PDE10A: variants seen among roughly 807,000 people sequenced by gnomAD.
The protein encoded by PDE10A is phosphodiesterase 10A, also known as cAMP and cAMP-inhibited cGMP 3',5'-cyclic phosphodiesterase 10A.
In PDE10A, 39 loss-of-function variants were observed where a neutral mutation model predicts 97.7. That is an observed-to-expected ratio of 0.40 (90% CI 0.31 to 0.52). The LOEUF (loss-of-function observed/expected upper bound fraction) is 0.52, where lower values mean the gene tolerates loss of function less well. Ranked by LOEUF, PDE10A falls within the 20% of genes least tolerant of loss-of-function variation. The pLI is 0.56. For synonymous variants in PDE10A, 371 were observed against 376.8 expected (o/e 0.98, Z 0.18); for missense variants, 731 against 1,047.8 (o/e 0.70, Z 4.17).
At chr6:165,874,595 T>TA (rs149712036) in intron 1 of PDE10A, among the ~76,000 whole-genome samples, 3,788 of 152,336 alleles carry the variant, frequency 0.025, 69 homozygotes, top group South Asian at 0.11. Context: ...GTTACACAAA[T>TA]AATGGTGCTT....
chr6:165,857,502 T>C (rs1006828263), intron 1 of PDE10A, among the ~76,000 whole-genome samples: 3 of 152,236 alleles, frequency 2.0e-5, no homozygotes, highest in Non-Finnish European at 2.9e-5. Flanking sequence ...CTGCAAACCC[T>C]ACACTAGTAA....
intron 10 of PDE10A, among the ~76,000 whole-genome samples, chr6:165,425,769 T>TTGTGTGTGTGTGTGTG (rs766723327): frequency 1.8e-3 from 100 of 56,736 alleles, no homozygotes; most frequent in African/African-American, 7.1e-3. Context: ...GAAGGCATGA[T>TTGTGTGTGTGTGTGTG]CGTGTGTGTG....
rs965787491 is a variant in PDE10A at position 165,534,150 on chromosome 6, C to T, written c.994+9290G>A. On this transcript the variant is annotated intron_variant, in intron 2 of 21. Coordinates refer to ENST00000539869, the MANE Select transcript of PDE10A (RefSeq NM_001385079.1). Reference sequence around the variant, plus strand: ...CAGAAATTTAAAGGATCATTAGAGACTGCTATGAACAAAGATACACCAATA... The same window carrying T: ...CAGAAATTTAAAGGATCATTAGAGATTGCTATGAACAAAGATACACCAATA... 2.8e-4 allele frequency among the ~76,000 whole-genome samples: 43 copies of T among 151,976 alleles called. 1 individual carries two copies. Among genetic ancestry groups the T allele is most frequent in the African/African-American group, 9.6e-4 (40 of 41,498 alleles).
At chr6:165,363,344 G>GT (rs199895439) in intron 18 of PDE10A, among the ~76,000 whole-genome samples, 7,460 of 151,792 alleles carry the variant, frequency 0.049, 271 homozygotes, top group Non-Finnish European at 0.072. Context: ...GTGAAACCCC[G>GT]TCTCTACTAA....
intron 3 of PDE10A, among the ~76,000 whole-genome samples, chr6:165,453,805 C>G (rs1291862479): frequency 2.6e-5 from 4 of 152,220 alleles, no homozygotes; most frequent in Non-Finnish European, 5.9e-5. Context: ...CCCGCACAGA[C>G]AGCCCCCAGT....
At chr6:165,685,733 G>A (rs1791096663) in intron 1 of PDE10A, among the ~76,000 whole-genome samples, 1 of 152,148 alleles carries the variant, frequency 6.6e-6, no homozygotes. Context: ...GGTGAGCCCA[G>A]CCAGATGCTG....
chr6:165,901,778 C>G (rs1170624091), intron 1 of PDE10A, among the ~76,000 whole-genome samples: 5 of 151,352 alleles, frequency 3.3e-5, no homozygotes, highest in African/African-American at 1.2e-4. Flanking sequence ...CTGGTCTGGG[C>G]AACAAGAGTG....
intron 1 of PDE10A, among the ~76,000 whole-genome samples, chr6:165,783,466 TAC>T (rs1327010486): frequency 6.6e-6 from 1 of 152,204 alleles, no homozygotes; most frequent in Non-Finnish European, 1.5e-5. Context: ...CAGAAATGAG[TAC>T]ACTTAAAAAG....
At chr6:165,567,763 T>C (rs911254806) in intron 1 of PDE10A, among the ~76,000 whole-genome samples, 3 of 152,138 alleles carry the variant, frequency 2.0e-5, no homozygotes, top group Admixed American at 6.6e-5. Flanking sequence ...TAATCCAAGG[T>C]CACATGTCTA....
At chr6:165,439,657 A>G (rs1053105284) in intron 5 of PDE10A, among the ~76,000 whole-genome samples, 5 of 152,244 alleles carry the variant, frequency 3.3e-5, no homozygotes, top group Non-Finnish European at 7.3e-5. Flanking sequence ...GAAGTAGCTA[A>G]TATTTTTGTG....
At chr6:165,709,685 A>C (rs914713111) in intron 1 of PDE10A, among the ~76,000 whole-genome samples, 44 of 14,828 alleles carry the variant, frequency 3.0e-3, no homozygotes, top group South Asian at 6.5e-3. Context: ...CCCCGCCTCC[A>C]CTCTCCACCC....
At chr6:165,898,129 C>A (rs74700353) in intron 1 of PDE10A, among the ~76,000 whole-genome samples, 7,801 of 151,784 alleles carry the variant, frequency 0.051, 283 homozygotes, top group Middle Eastern at 0.13. Context: ...TTGCCATCTG[C>A]CAGAAATGGG....
intron 1 of PDE10A, among the ~76,000 whole-genome samples, chr6:165,734,635 G>C (rs1454408588): frequency 6.6e-6 from 1 of 151,968 alleles, no homozygotes; most frequent in African/African-American, 2.4e-5. Flanking sequence ...TAATGAGAGA[G>C]AGTTAGTGAA....
chr6:165,496,082 G>C (rs1198820513), intron 2 of PDE10A, among the ~76,000 whole-genome samples: 1 of 151,954 alleles, frequency 6.6e-6, no homozygotes, highest in Non-Finnish European at 1.5e-5. Flanking sequence ...CAGTCTCCTG[G>C]AGAAGGTAAG....
At chr6:165,965,644 T>C (rs1193938789) in intron 1 of PDE10A, among the ~76,000 whole-genome samples, 1 of 152,200 alleles carries the variant, frequency 6.6e-6, no homozygotes, top group Non-Finnish European at 1.5e-5. Context: ...TCGGGAAATA[T>C]AAAATTCAAT....
chr6:165,534,648 T>C lies in PDE10A; in HGVS notation c.994+8792A>G, dbSNP rs558105223. ...AACATGTAAAGATGGTTTCAACATATGCAAATCAATAAATATGATATATCA... is the reference window on the plus strand; with the variant it reads ...AACATGTAAAGATGGTTTCAACATACGCAAATCAATAAATATGATATATCA... On this transcript the variant is annotated intron_variant, in intron 2 of 21. Coordinates refer to ENST00000539869, the MANE Select transcript of PDE10A (RefSeq NM_001385079.1). 4.6e-5 allele frequency among the ~76,000 whole-genome samples: 7 copies of C among 152,194 alleles called. No individual in the cohort carries two copies. The East Asian group carries it at 9.6e-4, about 21-fold the overall frequency.
intron 5 of PDE10A, among the ~76,000 whole-genome samples, chr6:165,438,833 C>T (rs1446599098): frequency 6.6e-6 from 1 of 151,838 alleles, no homozygotes; most frequent in Non-Finnish European, 1.5e-5. Flanking sequence ...TGGTGCATGC[C>T]TGTAGCACTA....
chr6:165,624,359 T>C (rs1188307366), intron 1 of PDE10A, among the ~76,000 whole-genome samples: 6 of 150,212 alleles, frequency 4.0e-5, no homozygotes. Context: ...GTACACTCTT[T>C]ATTTTCCAGG....
intron 1 of PDE10A, among the ~76,000 whole-genome samples, chr6:165,861,621 G>A (rs1055335176): frequency 1.3e-5 from 2 of 152,026 alleles, no homozygotes; most frequent in African/African-American, 4.8e-5. Context: ...GCAGTCGCAG[G>A]AGGACAGATG....
Sources: gnomAD v4.1 joint callset for allele counts (sites outside exome capture counted in the v4.1 genomes callset) on GRCh38, gnomAD v4.1.1 for gene constraint, MANE v1.5 for transcripts, NCBI Gene and HGNC (gene_info 2026-07-23, HGNC 2026-07-21) for gene names.